The following LRMDA variants were observed in gnomAD, a reference collection of about 807,000 sequenced individuals.
LRMDA encodes leucine-rich melanocyte differentiation-associated protein.
In LRMDA, 18 loss-of-function variants were observed where a neutral mutation model predicts 29.8. That is an observed-to-expected ratio of 0.60 (90% CI 0.42 to 0.90). The LOEUF (loss-of-function observed/expected upper bound fraction) is 0.90, where lower values mean the gene tolerates loss of function less well. Among genes scored for constraint, LRMDA ranks in the 40% least tolerant of loss-of-function variants. LRMDA has a pLI of 0.00. For synonymous variants in LRMDA, 125 were observed against 109.4 expected (o/e 1.14, Z -0.89); for missense variants, 273 against 273.9 (o/e 1.00, Z 0.02).
chr10:75,438,797 C>G (rs933711068), intron 2 of LRMDA, among the ~76,000 whole-genome samples: 1 of 152,188 alleles, frequency 6.6e-6, no homozygotes, highest in Non-Finnish European at 1.5e-5. Flanking sequence ...TCACGGATAC[C>G]TGTGCAGACA....
intron 2 of LRMDA, among the ~76,000 whole-genome samples, chr10:76,014,213 G>A (rs577377160): frequency 7.0e-6 from 1 of 141,862 alleles, no homozygotes; most frequent in South Asian, 2.2e-4. Context: ...TATTGTCTAT[G>A]ACTGCTTCTA....
intron 2 of LRMDA, among the ~76,000 whole-genome samples, chr10:75,659,241 G>A (rs959824244): frequency 1.3e-5 from 2 of 152,218 alleles, no homozygotes; most frequent in Non-Finnish European, 2.9e-5. Context: ...CTCAGTTTAC[G>A]TTACTTTCTT....
chr10:76,118,915 T>A (rs923238926), intron 5 of LRMDA, among the ~76,000 whole-genome samples: 2 of 145,698 alleles, frequency 1.4e-5, no homozygotes, highest in African/African-American at 5.1e-5. Flanking sequence ...AATGAAGGTC[T>A]CCCTGGTGCC....
At chr10:75,558,290 G>A (rs117370316) in intron 2 of LRMDA, among the ~76,000 whole-genome samples, 2,575 of 152,082 alleles carry the variant, frequency 0.017, 42 homozygotes, top group South Asian at 0.026. Flanking sequence ...CCAAGAGGGT[G>A]CTGGCATAGT....
intron 6 of LRMDA, among the ~76,000 whole-genome samples, chr10:76,556,078 A>G (rs1589236198): frequency 1.3e-5 from 2 of 152,246 alleles, no homozygotes; most frequent in South Asian, 2.1e-4. Context: ...AGCTTTCATA[A>G]TAACTATGGA....
intron 2 of LRMDA, among the ~76,000 whole-genome samples, chr10:75,813,321 G>A (rs563736526): frequency 2.6e-5 from 4 of 152,300 alleles, no homozygotes; most frequent in African/African-American, 9.6e-5. Flanking sequence ...CCGACCCACG[G>A]GGAGAAACTA....
At chr10:75,750,842 G>A (rs1262997129) in intron 2 of LRMDA, among the ~76,000 whole-genome samples, 17 of 151,282 alleles carry the variant, frequency 1.1e-4, no homozygotes, top group Admixed American at 9.2e-4. Context: ...CTGGGCGGCC[G>A]GGAAGAGGGG....
intron 5 of LRMDA, among the ~76,000 whole-genome samples, chr10:76,173,792 C>G (rs1164839544): frequency 6.6e-6 from 1 of 152,168 alleles, no homozygotes; most frequent in African/African-American, 2.4e-5. Context: ...TCCCGAGTAG[C>G]TGGGACTACA....
At chr10:76,052,311 T>C (rs990125464) in intron 4 of LRMDA, among the ~76,000 whole-genome samples, 1 of 152,224 alleles carries the variant, frequency 6.6e-6, no homozygotes, top group African/African-American at 2.4e-5. Flanking sequence ...AATTGGAAAC[T>C]TGGTACTTCT....
At chr10:76,066,084 C>A (rs555147694) in intron 5 of LRMDA, among the ~76,000 whole-genome samples, 77 of 152,318 alleles carry the variant, frequency 5.1e-4, no homozygotes, top group African/African-American at 1.7e-3. Flanking sequence ...GGCAGGCCAT[C>A]CCATCCACAC....
chr10:75,969,900 A>T (rs1384127343), intron 2 of LRMDA, among the ~76,000 whole-genome samples: 3 of 152,216 alleles, frequency 2.0e-5, no homozygotes, highest in South Asian at 2.1e-4. Flanking sequence ...TGCTGATATC[A>T]TAGACAGTAT....
At chr10:75,893,166 A>G (rs1027246458) in intron 2 of LRMDA, among the ~76,000 whole-genome samples, 4 of 152,148 alleles carry the variant, frequency 2.6e-5, no homozygotes, top group Non-Finnish European at 5.9e-5. Context: ...CGACCTGGTG[A>G]TGCAAACAGT....
chr10:76,197,832 A>G (rs1190251278), intron 5 of LRMDA, among the ~76,000 whole-genome samples: 1 of 152,050 alleles, frequency 6.6e-6, no homozygotes, highest in Non-Finnish European at 1.5e-5. Flanking sequence ...AGGCAGAAGA[A>G]TCGCTTGAAC....
chr10:75,914,100 G>A (rs114638928), intron 2 of LRMDA, among the ~76,000 whole-genome samples: 177 of 152,320 alleles, frequency 1.2e-3, no homozygotes, highest in African/African-American at 4.2e-3. Context: ...AAAAAAGCCT[G>A]CGAAAAGCAA....
intron 5 of LRMDA, among the ~76,000 whole-genome samples, chr10:76,193,757 A>G (rs1254663360): frequency 6.6e-6 from 1 of 152,142 alleles, no homozygotes; most frequent in Non-Finnish European, 1.5e-5. Flanking sequence ...AGCTTCAAAA[A>G]TGAGTAAAGC....
chr10:76,291,912 GCACA>G (rs72580570), intron 5 of LRMDA, among the ~76,000 whole-genome samples: 25 of 134,962 alleles, frequency 1.9e-4, no homozygotes, highest in African/African-American at 4.2e-4. Flanking sequence ...ACCCACACGT[GCACA>G]CACACACACA....
rs139198308 is a variant in LRMDA at position 75,777,220 on chromosome 10, A to C, written c.132-258788A>C. Among the ~76,000 whole-genome samples, 434 of 152,332 alleles carry C rather than the reference A, an allele frequency of 2.8e-3. 1 individual carries two copies. The highest frequency in any genetic ancestry group is 0.01 in the African/African-American group (421 of 41,572). ...GTCTCTTGCCCCCAGCAGTTTGAAC[A>C]TTAAAGATGTGAAGCTCAAAGCAGA... is the stretch of plus-strand genomic sequence containing the variant. On this transcript the variant is annotated intron_variant, in intron 2 of 6. Transcript: ENST00000611255.
At chr10:76,442,759 A>G (rs1331428780) in intron 6 of LRMDA, among the ~76,000 whole-genome samples, 1 of 152,172 alleles carries the variant, frequency 6.6e-6, no homozygotes, top group Non-Finnish European at 1.5e-5. Flanking sequence ...AAATCAGTTG[A>G]TTTCTCTTTT....
intron 2 of LRMDA, among the ~76,000 whole-genome samples, chr10:75,731,111 G>A (rs1443668550): frequency 6.6e-6 from 1 of 152,194 alleles, no homozygotes; most frequent in East Asian, 1.9e-4. Flanking sequence ...GATACTGATG[G>A]AAATACAAAT....
Sources: gnomAD v4.1 joint callset for allele counts (sites outside exome capture counted in the v4.1 genomes callset) on GRCh38, gnomAD v4.1.1 for gene constraint, MANE v1.5 for transcripts, NCBI Gene and HGNC (gene_info 2026-07-23, HGNC 2026-07-21) for gene names.